The following DLGAP3 variants were observed in gnomAD, a reference collection of about 807,000 sequenced individuals.
DLGAP3 encodes DLG associated protein 3.
A neutral mutation model predicts 81.2 loss-of-function variants in DLGAP3; 17 were observed. The observed-to-expected ratio is 0.21, with a 90% CI of 0.14 to 0.31. The LOEUF is 0.31. DLGAP3 is among the 10% of genes least tolerant of loss of function. The pLI is 1.00. For missense variants in DLGAP3, 1,124 were observed against 1,388.0 expected, an observed-to-expected ratio of 0.81 and a Z score of 3.02; for synonymous variants, 577 against 587.4, an observed-to-expected ratio of 0.98 and a Z score of 0.26.
At chr1:34,883,048 CCTT>C (rs919964531) in intron 8 of DLGAP3, among the ~76,000 whole-genome samples, 3 of 152,198 alleles carry the variant, frequency 2.0e-5, no homozygotes, top group East Asian at 3.8e-4. Context: ...AAATAAGGTC[CCTT>C]CTTCTCTCTT....
intron 1 of DLGAP3, among the ~76,000 whole-genome samples, chr1:34,913,544 C>T (rs960694393): frequency 6.6e-6 from 1 of 152,184 alleles, no homozygotes; most frequent in African/African-American, 2.4e-5. Context: ...TCATTGCCCT[C>T]AGAGCACTGA....
At chr1:34,880,059 T>C (rs1639122911) in intron 8 of DLGAP3, among the ~76,000 whole-genome samples, 1 of 152,156 alleles carries the variant, frequency 6.6e-6, no homozygotes, top group Non-Finnish European at 1.5e-5. Flanking sequence ...TTCCCCCCCT[T>C]TTCTTTCTTT....
intron 8 of DLGAP3, among the ~76,000 whole-genome samples, chr1:34,874,169 C>CA (rs1396486660): frequency 6.6e-6 from 1 of 152,092 alleles, no homozygotes; most frequent in Non-Finnish European, 1.5e-5. Context: ...AACATGAGAC[C>CA]AAAGGGAAGT....
chr1:34,865,985 G>A lies in DLGAP3; in HGVS notation c.*98C>T, dbSNP rs1296395578. ...GGGGCGTCCGGTGCCGGTGGGGCGGGCGCACGGGGCGGCCCGCGTTCACAG... is the reference window on the plus strand; with the variant it reads ...GGGGCGTCCGGTGCCGGTGGGGCGGACGCACGGGGCGGCCCGCGTTCACAG... On this transcript the variant is annotated 3_prime_UTR_variant, in exon 12 of 12. Transcript: ENST00000373347. 3 of 1,079,716 alleles carry A rather than the reference G, an allele frequency of 2.8e-6. No individual in the cohort carries two copies. Among genetic ancestry groups the A allele is most frequent in the South Asian group, 1.4e-5 (1 of 71,464 alleles). 66.9% of individuals were successfully genotyped at this position (1,079,716 alleles called of 1,614,324 possible).
At chr1:34,912,574 T>C (rs2148416345) in intron 1 of DLGAP3, among the ~76,000 whole-genome samples, 1 of 152,198 alleles carries the variant, frequency 6.6e-6, no homozygotes, top group South Asian at 2.1e-4. Context: ...CTGGAGCCTA[T>C]GAGATCATCC....
At chr1:34,892,538 T>C (rs1639327810) in intron 5 of DLGAP3, among the ~76,000 whole-genome samples, 1 of 152,208 alleles carries the variant, frequency 6.6e-6, no homozygotes, top group Non-Finnish European at 1.5e-5. Flanking sequence ...GGTCTCACTA[T>C]GTTGCCCAGG....
intron 1 of DLGAP3, among the ~76,000 whole-genome samples, chr1:34,922,788 T>G (rs1486922006): frequency 6.6e-6 from 1 of 152,182 alleles, no homozygotes; most frequent in Non-Finnish European, 1.5e-5. Flanking sequence ...GCCCCTCCCC[T>G]GGCTTCTATC....
chr1:34,877,763 T>A (rs150500022), intron 8 of DLGAP3, among the ~76,000 whole-genome samples: 139 of 152,312 alleles, frequency 9.1e-4, no homozygotes, highest in African/African-American at 3.3e-3. Context: ...ATTAAGTATA[T>A]CTGTCAAATG....
At chr1:34,918,575 C>T (rs1302022399) in intron 1 of DLGAP3, among the ~76,000 whole-genome samples, 1 of 152,140 alleles carries the variant, frequency 6.6e-6, no homozygotes, top group Non-Finnish European at 1.5e-5. Context: ...GGAAATCAGC[C>T]GGGGAACAGG....
chr1:34,887,914 C>T (rs1390374883), intron 5 of DLGAP3, among the ~76,000 whole-genome samples: 1 of 152,192 alleles, frequency 6.6e-6, no homozygotes, highest in Non-Finnish European at 1.5e-5. Context: ...AGTAAGCCCT[C>T]GGCTAGCGGC....
At chr1:34,914,252 C>A (rs1440731652) in intron 1 of DLGAP3, among the ~76,000 whole-genome samples, 2 of 152,212 alleles carry the variant, frequency 1.3e-5, no homozygotes, top group Non-Finnish European at 2.9e-5. Flanking sequence ...CAGCCTCACT[C>A]CTTCATGCCC....
Position 34,865,906 on chromosome 1 carries a change from C to A in DLGAP3, c.*177G>T. ...GCCCCCTGCCCAGCCCGGGCGCCTTCGCGTGGGATCAGGAAGGTAAAAAAC... is the reference window on the plus strand; with the variant it reads ...GCCCCCTGCCCAGCCCGGGCGCCTTAGCGTGGGATCAGGAAGGTAAAAAAC... On this transcript the variant is annotated 3_prime_UTR_variant, in exon 12 of 12. Transcript: ENST00000373347. 1.4e-6 allele frequency: 1 copy of A among 700,700 alleles called. No homozygotes were observed. Among genetic ancestry groups the A allele is most frequent in the Non-Finnish European group, 2.5e-6 (1 of 396,344 alleles). 43.4% of individuals were successfully genotyped at this position (700,700 alleles called of 1,614,324 possible).
intron 5 of DLGAP3, among the ~76,000 whole-genome samples, chr1:34,896,672 G>A (rs1639385316): frequency 6.6e-6 from 1 of 151,806 alleles, no homozygotes; most frequent in Non-Finnish European, 1.5e-5. Context: ...AGAAAAAACT[G>A]TCAGCTTCAG....
intron 8 of DLGAP3, among the ~76,000 whole-genome samples, chr1:34,883,852 A>T (rs576022043): frequency 1.2e-4 from 18 of 152,126 alleles, no homozygotes; most frequent in Non-Finnish European, 1.9e-4. Context: ...AGCTGGGGAA[A>T]TCTGGGCGAA....
intron 7 of DLGAP3, 132 bp from the exon 8 acceptor site, chr1:34,885,195 T>C (rs1214031396): frequency 3.2e-6 from 3 of 930,456 alleles, no homozygotes; most frequent in Admixed American, 2.0e-5. Context: ...CTGAACAAGA[T>C]GAGAGACCCA....
chr1:34,866,069 G>T lies in DLGAP3; in HGVS notation c.*14C>A. On this transcript the variant is annotated 3_prime_UTR_variant, in exon 12 of 12. Transcript: ENST00000373347. Reference sequence around the variant, plus strand: ...GAACCGCGGGCCCGGGCCGGGCTGGGCGGGCCGGACCGGTCACAGCCTGGT... The same window carrying T: ...GAACCGCGGGCCCGGGCCGGGCTGGTCGGGCCGGACCGGTCACAGCCTGGT... 2 of 1,588,274 alleles carry T rather than the reference G, an allele frequency of 1.3e-6. No individual in the cohort carries two copies. Among genetic ancestry groups the T allele is most frequent in the Non-Finnish European group, 1.7e-6 (2 of 1,172,716 alleles).
At chr1:34,874,265 C>T (rs1029747821) in intron 8 of DLGAP3, among the ~76,000 whole-genome samples, 15 of 152,142 alleles carry the variant, frequency 9.9e-5, no homozygotes, top group Admixed American at 8.5e-4. Flanking sequence ...ACTAACTCTC[C>T]CTGGATTTCC....
intron 5 of DLGAP3, among the ~76,000 whole-genome samples, chr1:34,892,053 C>T (rs555265796): frequency 4.6e-5 from 7 of 152,178 alleles, no homozygotes; most frequent in African/African-American, 1.7e-4. Context: ...CAGACAAAGA[C>T]TACAAGGCAG....
chr1:34,906,329 T>A (rs1056224575), intron 2 of DLGAP3, among the ~76,000 whole-genome samples: 2 of 151,888 alleles, frequency 1.3e-5, no homozygotes, highest in Non-Finnish European at 2.9e-5. Context: ...ACTCCAACCC[T>A]GCCCTACACC....
Sources: gnomAD v4.1 joint callset for allele counts (sites outside exome capture counted in the v4.1 genomes callset) on GRCh38, gnomAD v4.1.1 for gene constraint, MANE v1.5 for transcripts, NCBI Gene and HGNC (gene_info 2026-07-23, HGNC 2026-07-21) for gene names.